Variants in ELOVL5 observed in about 807,000 individuals in gnomAD.
The protein encoded by ELOVL5 is very long chain fatty acid elongase 5.
ELOVL5 carries 8 observed loss-of-function variants against 38.6 expected under a neutral mutation model. That is an observed-to-expected ratio of 0.21 (90% CI 0.12 to 0.37). ELOVL5 has a LOEUF of 0.37. Among genes scored for constraint, ELOVL5 ranks in the 10% least tolerant of loss-of-function variants. The pLI, the probability that ELOVL5 is intolerant of heterozygous loss-of-function variation, is 1.00. For missense variants in ELOVL5, 280 were observed against 367.8 expected, an observed-to-expected ratio of 0.76 and a Z score of 1.95; for synonymous variants, 127 against 133.7, an observed-to-expected ratio of 0.95 and a Z score of 0.34.
intron 1 of ELOVL5, among the ~76,000 whole-genome samples, chr6:53,348,022 G>GCCCCCC (rs35065809): frequency 2.0e-5 from 3 of 146,720 alleles, no homozygotes; most frequent in Admixed American, 6.7e-5. Flanking sequence ...GAGCACAACC[G>GCCCCCC]CCCCCCCGCC....
chr6:53,347,971 A>T (rs1327620454), intron 1 of ELOVL5, among the ~76,000 whole-genome samples: 1 of 151,834 alleles, frequency 6.6e-6, no homozygotes, highest in Non-Finnish European at 1.5e-5. Flanking sequence ...ACTTTTCCTT[A>T]CAACTCGCAA....
intron 1 of ELOVL5, 45 bp downstream of exon 1, chr6:53,348,772 C>T (rs1382387864): frequency 2.2e-6 from 1 of 453,024 alleles, no homozygotes; most frequent in African/African-American, 2.0e-5. Context: ...GTGTCATGGC[C>T]GAGCGGCGGC....
At chr6:53,269,339 T>C in intron 7 of ELOVL5, 69 bp from the exon 8 acceptor site, 3 of 1,311,968 alleles carry the variant, frequency 2.3e-6, no homozygotes, top group South Asian at 1.6e-5. Flanking sequence ...TTACTGAGAA[T>C]TGCATCCCTA....
intron 1 of ELOVL5, among the ~76,000 whole-genome samples, chr6:53,346,643 C>G (rs1430663454): frequency 6.6e-6 from 1 of 151,892 alleles, no homozygotes; most frequent in Non-Finnish European, 1.5e-5. Flanking sequence ...AAGAATGTAG[C>G]CAGGAAAGCA....
At position 53,276,175 on chromosome 6, in the gene ELOVL5, G is replaced by A. The variant is rs1207907768; in HGVS notation, c.324+4C>T. 4 of 1,600,054 alleles carry A rather than the reference G, an allele frequency of 2.5e-6. No individual in the cohort carries two copies. The South Asian group carries it at 4.4e-5, about 18-fold the overall frequency. ...TAATAAAGTTTCTGAAAAAGAGACAGTACCTTCATATCTGATTCTCCTGCG... is the reference window on the plus strand; with the variant it reads ...TAATAAAGTTTCTGAAAAAGAGACAATACCTTCATATCTGATTCTCCTGCG... On this transcript the variant is annotated splice_donor_region_variant and intron_variant, in intron 4 of 7. Transcript: ENST00000304434.
chr6:53,298,804 C>T (rs1767124366), intron 1 of ELOVL5, among the ~76,000 whole-genome samples: 1 of 150,178 alleles, frequency 6.7e-6, no homozygotes, highest in Admixed American at 6.9e-5. Flanking sequence ...CCACTAAATG[C>T]CATCAGTGAG....
At chr6:53,324,672 CAAAAAAA>C (rs200304234) in intron 1 of ELOVL5, among the ~76,000 whole-genome samples, 4 of 80,364 alleles carry the variant, frequency 5.0e-5, no homozygotes, top group East Asian at 3.2e-4. Context: ...GAGATCCTGT[CAAAAAAA>C]AAAAAAAAAA....
rs1768453521 is a variant in ELOVL5 at position 53,324,682 on chromosome 6, A to AC, written c.-9+24134_-9+24135insG. Among the ~76,000 whole-genome samples, 3 of 150,446 alleles carry AC rather than the reference A, an allele frequency of 2.0e-5. 1 individual carries two copies. Among genetic ancestry groups the AC allele is most frequent in the Non-Finnish European group, 3.0e-5 (2 of 67,766 alleles). On this transcript the variant is annotated intron_variant, in intron 1 of 7. Coordinates refer to ENST00000304434, the MANE Select transcript of ELOVL5 (RefSeq NM_021814.5). ...AGAGGGAGATCCTGTCAAAAAAAAA[A>AC]AAAAAAAAAGGAAAAGAAATAGAAT...
rs144915177 is a variant in ELOVL5, at chr6:53,270,908, G to GT, written c.622-182dup. Among the ~76,000 whole-genome samples the GT allele has an allele frequency of 1.9e-3, 296 of 152,304 alleles. 1 individual carries two copies. Among genetic ancestry groups the GT allele is most frequent in the Non-Finnish European group, 3.7e-3 (255 of 68,024 alleles). On this transcript the variant is annotated intron_variant, in intron 6 of 7. Coordinates refer to ENST00000304434, the MANE Select transcript of ELOVL5 (RefSeq NM_021814.5). ...ACTATACTTATCCTAAACTCTAGGT[G>GT]TGTTTGTCTTATATATATTCTTCCT... is the stretch of plus-strand genomic sequence containing the variant.
intron 6 of ELOVL5, 51 bp from the exon 7 acceptor site, chr6:53,270,778 C>A (rs754772768): frequency 2.5e-6 from 4 of 1,598,936 alleles, no homozygotes. Context: ...ATGGACGAGG[C>A]CCCACACCAG....
intron 3 of ELOVL5, among the ~76,000 whole-genome samples, chr6:53,288,176 G>A (rs888118315): frequency 1.3e-5 from 2 of 152,148 alleles, no homozygotes; most frequent in African/African-American, 2.4e-5. Context: ...GAAAGCCACC[G>A]TTTGGCACCA....
chr6:53,280,665 T>C (rs1408665137), intron 3 of ELOVL5, among the ~76,000 whole-genome samples: 1 of 152,212 alleles, frequency 6.6e-6, no homozygotes, highest in African/African-American at 2.4e-5. Context: ...CAATCTCAGC[T>C]CACTGCAACC....
chr6:53,329,621 C>G (rs997173829), intron 1 of ELOVL5, among the ~76,000 whole-genome samples: 11 of 151,994 alleles, frequency 7.2e-5, no homozygotes, highest in African/African-American at 2.4e-4. Context: ...GTCAGGAGTT[C>G]GAGACCAGCC....
intron 6 of ELOVL5, among the ~76,000 whole-genome samples, chr6:53,271,797 G>A (rs1423485603): frequency 1.3e-5 from 2 of 152,020 alleles, no homozygotes; most frequent in African/African-American, 4.8e-5. Flanking sequence ...ACTGCAGACT[G>A]AGGAATAACT....
intron 2 of ELOVL5, chr6:53,294,255 G>GT: frequency 1.3e-6 from 2 of 1,541,338 alleles, no homozygotes; most frequent in Non-Finnish European, 1.8e-6. Context: ...TCAATCTGTG[G>GT]TGGTCCTAAC....
intron 1 of ELOVL5, among the ~76,000 whole-genome samples, chr6:53,343,047 T>C (rs944249697): frequency 3.3e-5 from 5 of 152,132 alleles, no homozygotes; most frequent in African/African-American, 1.2e-4. Flanking sequence ...CTGGGGTTGG[T>C]GGTGAGGGTT....
chr6:53,325,422 A>G (rs945236404), intron 1 of ELOVL5, among the ~76,000 whole-genome samples: 1 of 152,226 alleles, frequency 6.6e-6, no homozygotes, highest in South Asian at 2.1e-4. Context: ...AACACCATGA[A>G]GGTGATGTGA....
At chr6:53,330,649 G>A (rs1768759784) in intron 1 of ELOVL5, among the ~76,000 whole-genome samples, 3 of 149,500 alleles carry the variant, frequency 2.0e-5, no homozygotes, top group African/African-American at 7.4e-5. Flanking sequence ...AGCCTCCCGA[G>A]TAGCTGGGAC....
At chr6:53,289,289 G>A (rs1248910331) in intron 3 of ELOVL5, among the ~76,000 whole-genome samples, 1 of 152,180 alleles carries the variant, frequency 6.6e-6, no homozygotes, top group Admixed American at 6.5e-5. Flanking sequence ...ACAGAAGAAT[G>A]GCTCTAACTC....
Sources: allele counts gnomAD v4.1 joint callset (sites outside exome capture counted in the v4.1 genomes callset), GRCh38; gene constraint gnomAD v4.1.1; transcripts MANE v1.5; gene names NCBI Gene and HGNC (gene_info 2026-07-23, HGNC 2026-07-21).